FOXP1: variants seen among roughly 807,000 people sequenced by gnomAD.
FOXP1 encodes the protein forkhead box protein P1.
A neutral mutation model predicts 98.2 loss-of-function variants in FOXP1; 15 were observed. The observed-to-expected ratio is 0.15, with a 90% CI of 0.10 to 0.24. The LOEUF is 0.24. Ranked by LOEUF, FOXP1 falls within the 10% of genes least tolerant of loss-of-function variation. The pLI, the probability that FOXP1 is intolerant of heterozygous loss-of-function variation, is 1.00. For synonymous variants in FOXP1, 371 were observed against 314.5 expected (o/e 1.18, Z -1.90); for missense variants, 633 against 848.5 (o/e 0.75, Z 3.15).
intron 5 of FOXP1, among the ~76,000 whole-genome samples, chr3:71,290,518 T>A (rs1166440844): frequency 1.3e-5 from 2 of 152,192 alleles, no homozygotes; most frequent in African/African-American, 4.8e-5. Flanking sequence ...TCCCTGCCTA[T>A]GACCTCATCC....
intron 11 of FOXP1, among the ~76,000 whole-genome samples, chr3:71,037,985 G>A (rs2106804740): frequency 6.6e-6 from 1 of 152,298 alleles, no homozygotes; most frequent in African/African-American, 2.4e-5. Flanking sequence ...TTTTCCTTGT[G>A]TAAGACAAAT....
intron 2 of FOXP1, among the ~76,000 whole-genome samples, chr3:71,559,529 G>C (rs2046384498): frequency 6.6e-6 from 1 of 152,172 alleles, no homozygotes; most frequent in Admixed American, 6.5e-5. Flanking sequence ...GCTCTAACTG[G>C]TTGGAAGGCT....
rs573724793 is a variant in FOXP1 at position 70,987,035 on chromosome 3, AT to A, written c.1146+958del. On this transcript the variant is annotated intron_variant, in intron 14 of 20. Coordinates refer to ENST00000649528, the MANE Select transcript of FOXP1 (RefSeq NM_001349338.3). ...CTTTGCCATTACGCTGCATCATTGC[AT>A]ATTGATTAAAATCGCTGGTACTAAC... Among the ~76,000 whole-genome samples, 6 of 152,374 alleles carry A rather than the reference AT, an allele frequency of 3.9e-5. No homozygotes were observed. The South Asian group carries it at 1.2e-3, about 32-fold the overall frequency.
intron 5 of FOXP1, among the ~76,000 whole-genome samples, chr3:71,218,956 A>G (rs2065148391): frequency 6.6e-6 from 1 of 152,176 alleles, no homozygotes; most frequent in Admixed American, 6.6e-5. Flanking sequence ...TGATGTCCTA[A>G]AAGAGCCACA....
intron 6 of FOXP1, among the ~76,000 whole-genome samples, chr3:71,127,376 A>C (rs1256575905): frequency 6.6e-6 from 1 of 152,240 alleles, no homozygotes; most frequent in African/African-American, 2.4e-5. Context: ...GTGGAAGTTA[A>C]ATTGCCAACA....
intron 5 of FOXP1, among the ~76,000 whole-genome samples, chr3:71,239,383 A>C (rs1469721582): frequency 1.3e-5 from 2 of 152,130 alleles, no homozygotes; most frequent in African/African-American, 4.8e-5. Context: ...TCTCTACTAA[A>C]AATACAAAAA....
chr3:71,036,130 T>C (rs1368090768), intron 11 of FOXP1, among the ~76,000 whole-genome samples: 1 of 152,194 alleles, frequency 6.6e-6, no homozygotes, highest in East Asian at 1.9e-4. Flanking sequence ...ACAGAGACTG[T>C]GTATCAAGTG....
At position 71,123,824 on chromosome 3, in the gene FOXP1, T is replaced by C. The variant is rs544503336; in HGVS notation, c.181-11187A>G. Among the ~76,000 whole-genome samples the C allele has an allele frequency of 9.6e-4, 146 of 152,358 alleles. 1 individual carries two copies. Among genetic ancestry groups the C allele is most frequent in the Non-Finnish European group, 5.4e-4 (37 of 68,028 alleles). ...AATTACTGTGTTATTAAACCTGCCC[T>C]GGTCCCTGGTCATTGGGGATAAGGA... On this transcript the variant is annotated intron_variant, in intron 6 of 20. Transcript: ENST00000649528.
chr3:71,374,177 C>T (rs1415568521), intron 3 of FOXP1, among the ~76,000 whole-genome samples: 1 of 152,210 alleles, frequency 6.6e-6, no homozygotes, highest in Admixed American at 6.5e-5. Context: ...AACGTGTTCT[C>T]AGCATCCATA....
chr3:71,225,680 G>A (rs1242318118), intron 5 of FOXP1, among the ~76,000 whole-genome samples: 2 of 152,170 alleles, frequency 1.3e-5, no homozygotes, highest in African/African-American at 2.4e-5. Context: ...AATAGCTAGC[G>A]ATTTTTCTCA....
At chr3:71,003,285 T>G (rs1285363783) in intron 12 of FOXP1, among the ~76,000 whole-genome samples, 1 of 152,252 alleles carries the variant, frequency 6.6e-6, no homozygotes, top group Non-Finnish European at 1.5e-5. Flanking sequence ...CCTGGTTCTG[T>G]GTCTCTTTTG....
intron 19 of FOXP1, 76 bp from the exon 20 acceptor site, chr3:70,966,132 C>G: frequency 3.3e-6 from 4 of 1,215,330 alleles, no homozygotes; most frequent in Admixed American, 1.7e-5. Context: ...TGGGTGTACT[C>G]GATAATCTTC....
At chr3:71,156,689 G>C (rs1351654159) in intron 6 of FOXP1, among the ~76,000 whole-genome samples, 1 of 152,208 alleles carries the variant, frequency 6.6e-6, no homozygotes, top group Non-Finnish European at 1.5e-5. Flanking sequence ...AGCATGAGTG[G>C]TAATTCAACA....
At chr3:70,996,275 C>G (rs952603266) in intron 13 of FOXP1, among the ~76,000 whole-genome samples, 1 of 152,180 alleles carries the variant, frequency 6.6e-6, no homozygotes. Flanking sequence ...TGAGCCACCA[C>G]GCCTGCCCGG....
chr3:71,111,871 T>G (rs974346716), intron 7 of FOXP1, among the ~76,000 whole-genome samples: 3 of 152,138 alleles, frequency 2.0e-5, no homozygotes, highest in African/African-American at 7.2e-5. Flanking sequence ...CACTGAAGAA[T>G]TGGGTATATA....
intron 4 of FOXP1, chr3:71,332,808 C>G (rs2076420149): frequency 6.6e-6 from 1 of 152,162 alleles, no homozygotes; most frequent in East Asian, 1.9e-4. Context: ...TGTGGAAAAG[C>G]TAAGACTAGC....
intron 2 of FOXP1, among the ~76,000 whole-genome samples, chr3:71,496,973 T>A (rs572154016): frequency 6.6e-6 from 1 of 152,008 alleles, no homozygotes; most frequent in Admixed American, 6.5e-5. Context: ...TGTGTGTGTG[T>A]GTGTGTGTGT....
intron 2 of FOXP1, among the ~76,000 whole-genome samples, chr3:71,501,670 A>G (rs2041374230): frequency 6.6e-6 from 1 of 152,236 alleles, no homozygotes; most frequent in Non-Finnish European, 1.5e-5. Context: ...AAAAATAGAA[A>G]GAATGAATAA....
chr3:71,401,435 C>T (rs908469256), intron 3 of FOXP1, among the ~76,000 whole-genome samples: 2 of 152,128 alleles, frequency 1.3e-5, no homozygotes, highest in Admixed American at 6.5e-5. Context: ...CGTGTTGTCC[C>T]CAGAAGCTGT....
Sources: allele counts gnomAD v4.1 joint callset (sites outside exome capture counted in the v4.1 genomes callset), GRCh38; gene constraint gnomAD v4.1.1; transcripts MANE v1.5; gene names NCBI Gene and HGNC (gene_info 2026-07-23, HGNC 2026-07-21).